The following KDM3B variants were observed in gnomAD, a reference collection of about 807,000 sequenced individuals.
KDM3B encodes the protein lysine-specific demethylase 3B.
In KDM3B, 10 loss-of-function variants were observed where a neutral mutation model predicts 170.0. The ratio of observed to expected loss-of-function variants is 0.06; its 90% CI spans 0.04 to 0.10. The LOEUF is 0.10. Ranked by LOEUF, KDM3B falls within the 10% of genes least tolerant of loss-of-function variation. The pLI, the probability that KDM3B is intolerant of heterozygous loss-of-function variation, is 1.00. For synonymous variants in KDM3B, 831 were observed against 834.8 expected, an observed-to-expected ratio of 1.00 and a Z score of 0.08; for missense variants, 1,394 against 2,195.2, an observed-to-expected ratio of 0.64 and a Z score of 7.29.
chr5:138,382,979 G>T (rs1019645743), intron 6 of KDM3B, among the ~76,000 whole-genome samples: 9 of 151,944 alleles, frequency 5.9e-5, no homozygotes, highest in Admixed American at 5.9e-4. Context: ...AATAGAACTG[G>T]GGAGTACTGG....
intron 16 of KDM3B, among the ~76,000 whole-genome samples, chr5:138,425,115 G>A (rs1468511769): frequency 6.6e-6 from 1 of 152,226 alleles, no homozygotes; most frequent in Non-Finnish European, 1.5e-5. Flanking sequence ...ATATGAGGAA[G>A]TGTTCTCAAA....
chr5:138,412,981 A>G (rs1561786885), intron 11 of KDM3B, among the ~76,000 whole-genome samples: 1 of 152,250 alleles, frequency 6.6e-6, no homozygotes, highest in East Asian at 1.9e-4. Flanking sequence ...ACCAAAAAAT[A>G]TAGTCGATGG....
At chr5:138,373,345 CA>C (rs1440648421) in intron 2 of KDM3B, among the ~76,000 whole-genome samples, 2 of 150,708 alleles carry the variant, frequency 1.3e-5, no homozygotes, top group African/African-American at 4.9e-5. Flanking sequence ...GTCTCAAAAA[CA>C]AAAAAAACAA....
chr5:138,418,012 T>C (rs1347071972), intron 13 of KDM3B: 1 of 155,804 alleles, frequency 6.4e-6, no homozygotes, highest in Non-Finnish European at 1.4e-5. Context: ...AATATGAAGA[T>C]TGGCTCACTG....
At chr5:138,353,937 T>C (rs907428137) in intron 1 of KDM3B, among the ~76,000 whole-genome samples, 3 of 152,152 alleles carry the variant, frequency 2.0e-5, no homozygotes, top group African/African-American at 7.2e-5. Flanking sequence ...TCTGGTGAGA[T>C]AAGGCTATGA....
chr5:138,377,226 A>G (rs1482451726), intron 3 of KDM3B, among the ~76,000 whole-genome samples: 1 of 152,256 alleles, frequency 6.6e-6, no homozygotes, highest in Non-Finnish European at 1.5e-5. Context: ...GAAATAAGCA[A>G]AAAGATTTGC....
At chr5:138,361,520 A>C (rs1458522000) in intron 1 of KDM3B, among the ~76,000 whole-genome samples, 2 of 152,184 alleles carry the variant, frequency 1.3e-5, no homozygotes, top group African/African-American at 4.8e-5. Flanking sequence ...TCTAGAGACC[A>C]AATTACTATA....
intron 9 of KDM3B, among the ~76,000 whole-genome samples, chr5:138,394,263 A>G (rs1161061451): frequency 1.3e-5 from 2 of 152,082 alleles, no homozygotes; most frequent in Non-Finnish European, 2.9e-5. Context: ...AATTCCAGCT[A>G]CTCAGGAGGC....
intron 11 of KDM3B, among the ~76,000 whole-genome samples, chr5:138,405,396 A>C (rs753801814): frequency 6.6e-6 from 1 of 152,130 alleles, no homozygotes; most frequent in African/African-American, 2.4e-5. Context: ...GGTCGCAGCT[A>C]CTTGGGAGGT....
intron 3 of KDM3B, among the ~76,000 whole-genome samples, chr5:138,376,596 C>T (rs1290672710): frequency 1.3e-5 from 2 of 151,066 alleles, no homozygotes; most frequent in African/African-American, 2.4e-5. Context: ...CCCAGCTACT[C>T]GGGAGGCTGA....
intron 14 of KDM3B, among the ~76,000 whole-genome samples, chr5:138,419,724 CACAT>C (rs1166621661): frequency 5.9e-5 from 5 of 85,194 alleles, no homozygotes; most frequent in African/African-American, 1.0e-4. Context: ...TATATACACA[CACAT>C]ACACACACAC....
At chr5:138,400,409 A>G (rs1762654450) in intron 11 of KDM3B, among the ~76,000 whole-genome samples, 1 of 151,920 alleles carries the variant, frequency 6.6e-6, no homozygotes, top group African/African-American at 2.4e-5. Context: ...TTTAAATAAC[A>G]TCTTTATTGA....
chr5:138,423,969 A>G, intron 15 of KDM3B, 106 bp from the exon 16 acceptor site: 1 of 1,082,022 alleles, frequency 9.2e-7, no homozygotes. Context: ...GTAGAATTTA[A>G]TCAGACAGGT....
At chr5:138,421,380 G>A (rs1298426122) in intron 15 of KDM3B, among the ~76,000 whole-genome samples, 3 of 152,136 alleles carry the variant, frequency 2.0e-5, no homozygotes, top group Admixed American at 1.3e-4. Context: ...CTACTGGTTG[G>A]TGGCATCTCT....
chr5:138,432,333 G>C (rs1178485202), intron 23 of KDM3B, among the ~76,000 whole-genome samples: 1 of 152,162 alleles, frequency 6.6e-6, no homozygotes, highest in African/African-American at 2.4e-5. Flanking sequence ...TGAACAATCA[G>C]ATTAGGTTTC....
In KDM3B at chr5:138,392,217, G is replaced by A. The variant is rs773819593; in HGVS notation, c.2585G>A (p.Gly862Glu). 2.0e-6 allele frequency: 3 copies of A among 1,505,738 alleles called. No individual in the cohort carries two copies. The African/African-American group carries it at 4.2e-5, about 21-fold the overall frequency. The allele number at this position is 1,505,738 out of a possible 1,614,324, so 93.3% of individuals were successfully genotyped here. The change falls in exon 8 of 24, where the codon GGG (glycine) becomes GAG (glutamate). Residue 862 changes from glycine to glutamate, a missense_variant. Transcript: ENST00000314358. ...GAGCTGTTGCTGGGCAAAAGCAAAG[G>A]GAAGCAGGCCCCCAAGGGCCGGCCT... is the stretch of plus-strand genomic sequence containing the variant. ...SAELLLGKSKGKQAPKGRPRT... is the reference protein window; with the variant it reads ...SAELLLGKSKEKQAPKGRPRT...
In KDM3B at chr5:138,371,832, T is replaced by C. The variant is rs116049638; in HGVS notation, c.193-842T>C. On this transcript the variant is annotated intron_variant, in intron 1 of 23. Transcript: ENST00000314358. ...TAATTAATTTTAATTTAATTTTAAA[T>C]TTTAAAAAAGGCTGGGCACGGTGGC... 7.2e-3 allele frequency among the ~76,000 whole-genome samples: 1,099 copies of C among 152,218 alleles called. 8 individuals carry two copies. Among genetic ancestry groups the C allele is most frequent in the African/African-American group, 0.025 (1,021 of 41,524 alleles).
intron 1 of KDM3B, 85 bp downstream of exon 1, chr5:138,353,072 T>C: frequency 3.2e-6 from 1 of 312,758 alleles, no homozygotes; most frequent in Non-Finnish European, 4.3e-6. Context: ...GAGGGGGCGG[T>C]GGGATGGGGG....
intron 1 of KDM3B, among the ~76,000 whole-genome samples, chr5:138,358,494 C>T (rs1391711575): frequency 2.0e-5 from 3 of 147,962 alleles, no homozygotes; most frequent in Non-Finnish European, 3.0e-5. Flanking sequence ...TTAGTAGAGA[C>T]GGGGTTTCGC....
Sources: allele counts gnomAD v4.1 joint callset (sites outside exome capture counted in the v4.1 genomes callset), GRCh38; gene constraint gnomAD v4.1.1; transcripts MANE v1.5; gene names NCBI Gene and HGNC (gene_info 2026-07-23, HGNC 2026-07-21).